The following RRP12 variants were observed in gnomAD, a reference collection of about 807,000 sequenced individuals.
RRP12 encodes ribosomal RNA processing 12 homolog.
In RRP12, 78 loss-of-function variants were observed where a neutral mutation model predicts 157.3. The observed-to-expected ratio is 0.50, with a 90% CI of 0.41 to 0.60. The LOEUF (loss-of-function observed/expected upper bound fraction) is 0.60, where lower values mean the gene tolerates loss of function less well. Ranked by LOEUF, RRP12 falls within the 20% of genes least tolerant of loss-of-function variation. The pLI, the probability that RRP12 is intolerant of heterozygous loss-of-function variation, is 0.00. For synonymous variants in RRP12, 726 were observed against 670.9 expected (o/e 1.08, Z -1.27); for missense variants, 1,521 against 1,679.9 (o/e 0.91, Z 1.65).
intron 29 of RRP12, among the ~76,000 whole-genome samples, chr10:97,364,268 C>T (rs1268398990): frequency 1.3e-5 from 2 of 152,186 alleles, no homozygotes; most frequent in Admixed American, 6.5e-5. Context: ...GCCCCATACA[C>T]ACCCCCACTG....
At chr10:97,388,724 T>C (rs1844710883) in intron 6 of RRP12, 100 bp from the exon 7 acceptor site, 9 of 1,417,192 alleles carry the variant, frequency 6.4e-6, no homozygotes, top group Admixed American at 2.0e-5. Context: ...GGCTGAAATA[T>C]AGATCCAATG....
intron 4 of RRP12, among the ~76,000 whole-genome samples, chr10:97,392,413 G>C (rs1263371069): frequency 2.0e-5 from 3 of 152,176 alleles, no homozygotes; most frequent in Non-Finnish European, 4.4e-5. Flanking sequence ...GCAGTGGCTT[G>C]ATCTTGGCTC....
In RRP12 at chr10:97,363,711, C is replaced by A. The variant is rs769692239; in HGVS notation, c.3567+143G>T. 5 of 771,180 alleles carry A rather than the reference C, an allele frequency of 6.5e-6. No homozygotes were observed. The East Asian group carries it at 1.2e-4, about 19-fold the overall frequency. 47.8% of individuals were successfully genotyped at this position (771,180 alleles called of 1,614,324 possible). A position where few individuals can be genotyped will look rare whatever the true frequency, so the allele number is the denominator to read the frequency against. ...GCCTGGCACCCACAACCTTCTGGAC[C>A]GCCTGCTATGCACACCTGTGAGGAT... is the stretch of plus-strand genomic sequence containing the variant. On this transcript the variant is annotated intron_variant, in intron 30 of 33. Coordinates refer to ENST00000370992, the MANE Select transcript of RRP12 (RefSeq NM_015179.4).
At chr10:97,399,099 C>T (rs572022734) in intron 2 of RRP12, among the ~76,000 whole-genome samples, 5 of 152,112 alleles carry the variant, frequency 3.3e-5, no homozygotes, top group Admixed American at 6.5e-5. Context: ...CATGGAGAAA[C>T]CCTGTCTCTA....
chr10:97,373,534 T>C, intron 17 of RRP12, 41 bp downstream of exon 17: 3 of 1,548,208 alleles, frequency 1.9e-6, no homozygotes, highest in Non-Finnish European at 2.6e-6. Context: ...CAGGGACCTG[T>C]GTCATCCTCC....
chr10:97,373,014 TCCTC>T (rs1416566608), intron 18 of RRP12, 28 bp downstream of exon 18: 7 of 1,585,392 alleles, frequency 4.4e-6, no homozygotes, highest in Non-Finnish European at 6.0e-6. Flanking sequence ...AGAGCTCCCC[TCCTC>T]CCTCCTTCCC....
chr10:97,365,360 G>A (rs1249942019), intron 29 of RRP12, among the ~76,000 whole-genome samples: 1 of 147,538 alleles, frequency 6.8e-6, no homozygotes, highest in Non-Finnish European at 1.5e-5. Flanking sequence ...TGCAAGCTCT[G>A]CCTCCTGGGT....
In RRP12 at chr10:97,370,748, G is replaced by C. The variant is rs1488753387; in HGVS notation, c.2551C>G (p.His851Asp). The change falls in exon 22 of 34, where the codon CAC becomes GAC. Residue 851 changes from histidine to aspartate, a missense_variant. Transcript: ENST00000370992. The stretch of plus-strand genomic sequence containing the variant: ...ATGAGGGCAGTGATGAACTCCTTGT[G>C]TTCAGCTGAGAGCTTCCTCACGATG... ...LHIVRKLSAE[H>D]KEFITALIPE... 6.2e-7 allele frequency: 1 copy of C among 1,614,172 alleles called. No homozygotes were observed. The highest frequency in any genetic ancestry group is 8.5e-7 in the Non-Finnish European group (1 of 1,180,028).
chr10:97,385,688 G>T (rs12256733), intron 9 of RRP12, among the ~76,000 whole-genome samples: 12,243 of 152,132 alleles, frequency 0.08, 1,516 homozygotes, highest in African/African-American at 0.27. Flanking sequence ...TAGGTCAAGG[G>T]TCAAGGTCCC....
rs367897821 is a variant in RRP12 at position 97,357,213 on chromosome 10, C to A, written c.3792-17G>T. 5 of 1,531,808 alleles carry A rather than the reference C, an allele frequency of 3.3e-6. No individual in the cohort carries two copies. Among genetic ancestry groups the A allele is most frequent in the Non-Finnish European group, 4.5e-6 (5 of 1,109,658 alleles). 94.9% of individuals were successfully genotyped at this position (1,531,808 alleles called of 1,614,324 possible). On this transcript the variant is annotated splice_polypyrimidine_tract_variant and intron_variant, in intron 33 of 33. Transcript: ENST00000370992. ...ATCTTCTTCCTGCAGGGCCAAGGAACGGAAGGGTCACATCTGGCTGAGAAT... is the reference window on the plus strand; with the variant it reads ...ATCTTCTTCCTGCAGGGCCAAGGAAAGGAAGGGTCACATCTGGCTGAGAAT...
At chr10:97,385,377 T>TC (rs1369990113) in intron 9 of RRP12, 120 bp from the exon 10 acceptor site, 7 of 765,226 alleles carry the variant, frequency 9.1e-6, no homozygotes, top group Non-Finnish European at 1.5e-5. Flanking sequence ...ACCCTAGCAC[T>TC]CACAGCCCCC....
At position 97,381,747 on chromosome 10, in the gene RRP12, G is replaced by T; in HGVS notation, c.1288C>A (p.Gln430Lys). 6.2e-7 allele frequency: 1 copy of T among 1,614,198 alleles called. No homozygotes were observed. Among genetic ancestry groups the T allele is most frequent in the Middle Eastern group, 1.6e-4 (1 of 6,062 alleles). Reference protein sequence around the residue: ...AVTCLLSPHSQVLTAATQSLK... With the variant: ...AVTCLLSPHSKVLTAATQSLK... The stretch of plus-strand genomic sequence containing the variant: ...CTCTGCGTAGCAGCAGTCAGCACTT[G>T]CGAGTGTGGGGAAAGGAGGCAGGTC... Residue 430 changes from glutamine (Q) to lysine (K), a missense_variant, in exon 11 of 34, where the codon CAA becomes AAA. Transcript: ENST00000370992.
Position 97,393,667 on chromosome 10 carries a change from C to T in RRP12, c.530+17G>A. 1 of 1,611,398 alleles carries T rather than the reference C, an allele frequency of 6.2e-7. No individual in the cohort carries two copies. Among genetic ancestry groups the T allele is most frequent in the African/African-American group, 1.3e-5 (1 of 74,974 alleles). On this transcript the variant is annotated intron_variant, in intron 4 of 33. Transcript: ENST00000370992. ...TCCACAAAAAGCCTTGGGGTTCAAA[C>T]AGGAGGCAGAACTCACCGCTTCAGG... is the stretch of plus-strand genomic sequence containing the variant.
chr10:97,395,209 C>CACACAG (rs1564770631), intron 3 of RRP12, among the ~76,000 whole-genome samples: 5 of 98,874 alleles, frequency 5.1e-5, no homozygotes, highest in African/African-American at 2.3e-4. Flanking sequence ...TACACATATA[C>CACACAG]ACACACACAC....
intron 10 of RRP12, among the ~76,000 whole-genome samples, chr10:97,383,772 A>G (rs11189180): frequency 0.38 from 58,318 of 152,064 alleles, 11,689 homozygotes; most frequent in African/African-American, 0.5. Flanking sequence ...GAGTGGAGCC[A>G]CAGAAAGGAT....
rs577455394 is a variant in RRP12 at position 97,400,477 on chromosome 10, G to A, written c.197C>T (p.Ser66Phe). Reference protein sequence around the residue: ...VKLHNELQSGSLRLGKSEAPE... With the variant: ...VKLHNELQSGFLRLGKSEAPE... ...GGCTTCGCTTTTGCCCAAGCGCAAG[G>A]ACCCTGACTGCAGCTCATTATGTAA... The change falls in exon 2 of 34, where the codon TCC becomes TTC. Residue 66 changes from serine to phenylalanine, a missense_variant. Ser to Phe is a radical substitution (Grantham distance 155). Coordinates refer to ENST00000370992, the MANE Select transcript of RRP12 (RefSeq NM_015179.4). 5 of 1,614,104 alleles carry A rather than the reference G, an allele frequency of 3.1e-6. No homozygotes were observed. Among genetic ancestry groups the A allele is most frequent in the African/African-American group, 2.7e-5 (2 of 75,026 alleles).
chr10:97,398,006 CATAT>C lies in RRP12; in HGVS notation c.370-1709_370-1706del, dbSNP rs376314087. ...AAAAAAAAATACGTATATATATATA[CATAT>C]ATATATATATATGTATATATATATA... On this transcript the variant is annotated intron_variant, in intron 2 of 33. Coordinates refer to ENST00000370992, the MANE Select transcript of RRP12 (RefSeq NM_015179.4). 4.9e-4 allele frequency among the ~76,000 whole-genome samples: 23 copies of C among 47,192 alleles called. 1 individual carries two copies. The highest frequency in any genetic ancestry group is 1.5e-3 in the African/African-American group (19 of 13,020). The allele number at this position is 47,192 out of a possible 152,430, so 31.0% of individuals were successfully genotyped here. A position where few individuals can be genotyped will look rare whatever the true frequency, so the allele number is the denominator to read the frequency against.
rs187757806 is a variant in RRP12, at chr10:97,364,051, G to A, written c.3518-148C>T. The A allele has an allele frequency of 2.0e-3, 1,393 of 696,916 alleles. 3 individuals are homozygous for A. The highest frequency in any genetic ancestry group is 2.6e-3 in the Non-Finnish European group (1,015 of 383,254). 43.2% of individuals were successfully genotyped at this position (696,916 alleles called of 1,614,324 possible). On this transcript the variant is annotated intron_variant, in intron 29 of 33. Coordinates refer to ENST00000370992, the MANE Select transcript of RRP12 (RefSeq NM_015179.4). Reference sequence around the variant, plus strand: ...TTCCTCAGACCAATATCATCCTTCTGCTAGAAGAGATGAGACCCCTGAGCA... The same window carrying A: ...TTCCTCAGACCAATATCATCCTTCTACTAGAAGAGATGAGACCCCTGAGCA...
Position 97,400,438 on chromosome 10 carries a change from A to G in RRP12, c.236T>C (p.Met79Thr), listed in dbSNP as rs755127803. 4 of 1,614,130 alleles carry G rather than the reference A, an allele frequency of 2.5e-6. No individual in the cohort carries two copies. Among genetic ancestry groups the G allele is most frequent in the Middle Eastern group, 3.3e-4 (2 of 6,062 alleles). ...GAGAACCAGCTCCGCCTCTTCTTCC[A>G]TGGGCGTCTCCGGGGCTTCGCTTTT... ...LGKSEAPETP[M>T]EEEAELVLTE... is the part of the protein sequence containing the mutation. The change falls in exon 2 of 34, where the codon ATG (methionine) becomes ACG (threonine). Residue 79 changes from methionine (M) to threonine (T), a missense_variant. Transcript: ENST00000370992.
Sources: allele counts gnomAD v4.1 joint callset (sites outside exome capture counted in the v4.1 genomes callset), GRCh38; gene constraint gnomAD v4.1.1; transcripts MANE v1.5; gene names NCBI Gene and HGNC (gene_info 2026-07-23, HGNC 2026-07-21).